The following ZNF516 variants were observed in gnomAD, a reference collection of about 807,000 sequenced individuals.
The protein encoded by ZNF516 is zinc finger protein 516.
Under a neutral mutation model 79.7 loss-of-function variants are expected in ZNF516, and 19 were observed. The ratio of observed to expected loss-of-function variants is 0.24; its 90% CI spans 0.17 to 0.35. The LOEUF is 0.35. ZNF516 is among the 10% of genes least tolerant of loss of function. ZNF516 has a pLI of 1.00. For synonymous variants in ZNF516, 877 were observed against 739.5 expected (o/e 1.19, Z -3.02); for missense variants, 1,678 against 1,679.5 (o/e 1.00, Z 0.02).
At chr18:76,440,226 ACT>A (rs1672595329) in intron 3 of ZNF516, among the ~76,000 whole-genome samples, 1 of 152,110 alleles carries the variant, frequency 6.6e-6, no homozygotes. Flanking sequence ...ACGCTAATAA[ACT>A]CTGTCCAGGT....
At position 76,441,999 on chromosome 18, in the gene ZNF516, G is replaced by A; in HGVS notation, c.1056C>T (p.Ala352=). ...CGACTCTGCGGTGGATGGCATTGTG[G>A]GCGTTCAAGCTGTCCAGGTTTGTAA... ...NLFTNLDSLN[A]HNAIHRRVEA... is the part of the protein sequence containing the mutation. Residue 352 remains alanine, a synonymous_variant, in exon 3 of 7, where the codon GCC becomes GCT. Coordinates refer to ENST00000443185, the MANE Select transcript of ZNF516 (RefSeq NM_014643.4). 6.2e-7 allele frequency: 1 copy of A among 1,613,588 alleles called. No homozygotes were observed. The highest frequency in any genetic ancestry group is 1.7e-5 in the Admixed American group (1 of 60,024).
intron 1 of ZNF516, among the ~76,000 whole-genome samples, chr18:76,486,135 G>A (rs1446345567): frequency 6.6e-6 from 1 of 151,934 alleles, no homozygotes; most frequent in African/African-American, 2.4e-5. Flanking sequence ...TTGTATCGGT[G>A]GAAAAAAAGT....
At chr18:76,437,161 G>GA (rs1001763693) in intron 3 of ZNF516, among the ~76,000 whole-genome samples, 53 of 151,744 alleles carry the variant, frequency 3.5e-4, no homozygotes, top group African/African-American at 1.2e-3. Context: ...CAGAAAGAAA[G>GA]AAGGACAGTT....
At chr18:76,492,528 G>A in intron 1 of ZNF516, 1 of 349,738 alleles carries the variant, frequency 2.9e-6, no homozygotes, top group Non-Finnish European at 4.0e-6. Context: ...AATCACATGT[G>A]AAGTTGGAAG....
chr18:76,490,123 A>G, intron 1 of ZNF516: 1 of 982,354 alleles, frequency 1.0e-6, no homozygotes, highest in Non-Finnish European at 1.2e-6. Context: ...AATTACCAAA[A>G]TATTTGTGAG....
At chr18:76,416,416 A>G (rs537475108) in intron 3 of ZNF516, among the ~76,000 whole-genome samples, 1 of 152,360 alleles carries the variant, frequency 6.6e-6, no homozygotes, top group South Asian at 2.1e-4. Flanking sequence ...ACCATGTCAA[A>G]GGTCATGAGA....
At chr18:76,424,780 T>A (rs1309875522) in intron 3 of ZNF516, among the ~76,000 whole-genome samples, 1 of 88,146 alleles carries the variant, frequency 1.1e-5, no homozygotes, top group African/African-American at 4.7e-5. Context: ...GTGAAAAGGT[T>A]CCCCCGAAAC....
At chr18:76,460,874 A>G (rs1384589806) in intron 2 of ZNF516, among the ~76,000 whole-genome samples, 1 of 152,214 alleles carries the variant, frequency 6.6e-6, no homozygotes, top group Non-Finnish European at 1.5e-5. Flanking sequence ...TCCAGAAGTA[A>G]TAGAAGGGCC....
At chr18:76,457,903 G>A (rs1912826789) in intron 2 of ZNF516, among the ~76,000 whole-genome samples, 1 of 152,180 alleles carries the variant, frequency 6.6e-6, no homozygotes, top group South Asian at 2.1e-4. Context: ...CTGAAAGACA[G>A]CTCACTAGGA....
chr18:76,491,085 C>T lies in ZNF516; in HGVS notation c.-272+4059G>A, dbSNP rs1316144945. 1.5e-5 allele frequency: 15 copies of T among 985,260 alleles called. No homozygotes were observed. The Admixed American group carries it at 2.5e-4, about 16-fold the overall frequency. 61.0% of individuals were successfully genotyped at this position (985,260 alleles called of 1,614,324 possible). On this transcript the variant is annotated intron_variant, in intron 1 of 6. Transcript: ENST00000443185. The stretch of plus-strand genomic sequence containing the variant: ...CAGGTGTGAACACTTATGTAATCGT[C>T]CTCGGGGCCACGCCTTTCCCACCGC...
Position 76,442,683 on chromosome 18 carries a change from G to A in ZNF516, c.372C>T (p.Cys124=), listed in dbSNP as rs777793783. Residue 124 remains cysteine (C), a synonymous_variant, in exon 3 of 7, where the codon TGC becomes TGT. Transcript: ENST00000443185. ...CASPTKSASA[C]NRLLNGASQA... ...GCGAGGCCCCGTTCAGCAGCCGGTT[G>A]CAGGCCGAGGCGCTCTTGGTGGGGC... 4.4e-6 allele frequency: 7 copies of A among 1,582,240 alleles called. No individual in the cohort carries two copies. The South Asian group carries it at 7.9e-5, about 18-fold the overall frequency.
Position 76,493,185 on chromosome 18 carries a change from T to G in ZNF516, c.-272+1959A>C. 1 of 985,258 alleles carries G rather than the reference T, an allele frequency of 1.0e-6. No homozygotes were observed. The highest frequency in any genetic ancestry group is 1.2e-6 in the Non-Finnish European group (1 of 829,840). 61.0% of individuals were successfully genotyped at this position (985,258 alleles called of 1,614,324 possible). A position where few individuals can be genotyped will look rare whatever the true frequency, so the allele number is the denominator to read the frequency against. ...TGAAAGTTAGCCATCTGCGCAGAGT[T>G]TGCCTTCTTTAAGGAGGGAGGCGTC... On this transcript the variant is annotated intron_variant, in intron 1 of 6. Transcript: ENST00000443185. The surrounding 1 kb of genome is among the most constrained non-coding windows in gnomAD (Gnocchi z 5.2).
rs968614324 is a variant in ZNF516, at chr18:76,366,826, C to T, written c.3432+3702G>A. On this transcript the variant is annotated intron_variant, in intron 6 of 6. Coordinates refer to ENST00000443185, the MANE Select transcript of ZNF516 (RefSeq NM_014643.4). ...AAGTATACAAAATAAGCACCATTAT[C>T]ATTATTTTACAGATAAGGGAACTTA... Among the ~76,000 whole-genome samples, 17 of 152,136 alleles carry T rather than the reference C, an allele frequency of 1.1e-4. 1 individual carries two copies. Among genetic ancestry groups the T allele is most frequent in the Admixed American group, 5.9e-4 (9 of 15,270 alleles).
intron 3 of ZNF516, among the ~76,000 whole-genome samples, chr18:76,408,082 T>C (rs992814078): frequency 2.0e-5 from 3 of 152,148 alleles, no homozygotes; most frequent in Admixed American, 1.3e-4. Flanking sequence ...ATATGGTTCA[T>C]GGGATGGCAA....
intron 2 of ZNF516, among the ~76,000 whole-genome samples, chr18:76,449,053 C>T (rs889646319): frequency 1.3e-5 from 2 of 152,168 alleles, no homozygotes; most frequent in Admixed American, 1.3e-4. Flanking sequence ...TGGCTCCTCC[C>T]TCCCCATCTC....
rs559407488 is a variant in ZNF516, at chr18:76,407,932, C to A, written c.1811-27629G>T. On this transcript the variant is annotated intron_variant, in intron 3 of 6. Transcript: ENST00000443185. Reference sequence around the variant, plus strand: ...GATGTGTCTGAGGGTCCCCGGTCCACAGGCTGGCCCACTGCCGGCTTCCCA... The same window carrying A: ...GATGTGTCTGAGGGTCCCCGGTCCAAAGGCTGGCCCACTGCCGGCTTCCCA... 5.3e-5 allele frequency among the ~76,000 whole-genome samples: 8 copies of A among 152,374 alleles called. No homozygotes were observed. In the East Asian group the frequency reaches 1.5e-3, roughly 29 times the overall value.
At chr18:76,452,057 A>G (rs1912445618) in intron 2 of ZNF516, among the ~76,000 whole-genome samples, 1 of 152,190 alleles carries the variant, frequency 6.6e-6, no homozygotes, top group African/African-American at 2.4e-5. Context: ...TTCCACTCTA[A>G]GAAGAAGAAA....
chr18:76,366,900 C>T (rs576299929), intron 6 of ZNF516, among the ~76,000 whole-genome samples: 2 of 152,320 alleles, frequency 1.3e-5, no homozygotes, highest in Non-Finnish European at 2.9e-5. Context: ...AGCCTCTACT[C>T]AATAACCCAA....
chr18:76,486,206 G>A (rs185318674), intron 1 of ZNF516, among the ~76,000 whole-genome samples: 97 of 152,258 alleles, frequency 6.4e-4, no homozygotes, highest in African/African-American at 2.2e-3. Flanking sequence ...AGCCACAAAC[G>A]ACCATTCTGT....
Sources: gnomAD v4.1 joint callset for allele counts (sites outside exome capture counted in the v4.1 genomes callset) on GRCh38, gnomAD v4.1.1 for gene constraint, Gnocchi (gnomAD v3.1) non-coding constraint, MANE v1.5 for transcripts, NCBI Gene and HGNC (gene_info 2026-07-23, HGNC 2026-07-21) for gene names.